Variants in GRID1 observed in about 807,000 individuals in gnomAD.
GRID1 encodes glutamate receptor ionotropic, delta-1.
GRID1 carries 28 observed loss-of-function variants against 98.0 expected under a neutral mutation model. The observed-to-expected ratio is 0.29, with a 90% CI of 0.21 to 0.39. GRID1 has a LOEUF of 0.39. GRID1 is among the 10% of genes least tolerant of loss of function. The pLI, the probability that GRID1 is intolerant of heterozygous loss-of-function variation, is 1.00. For missense variants in GRID1, 1,111 were observed against 1,340.5 expected (o/e 0.83, Z 2.67); for synonymous variants, 553 against 538.5 (o/e 1.03, Z -0.37).
chr10:86,190,151 C>T (rs1845780732), intron 3 of GRID1, among the ~76,000 whole-genome samples: 1 of 152,200 alleles, frequency 6.6e-6, no homozygotes, highest in Non-Finnish European at 1.5e-5. Context: ...GTCGCCCACC[C>T]CCAAGCAGGT....
chr10:86,045,086 A>T (rs1209459868), intron 4 of GRID1, among the ~76,000 whole-genome samples: 1 of 152,258 alleles, frequency 6.6e-6, no homozygotes, highest in Non-Finnish European at 1.5e-5. Flanking sequence ...TGCAAAGAGT[A>T]TGTAGCAAGT....
intron 4 of GRID1, among the ~76,000 whole-genome samples, chr10:86,073,901 G>A (rs985919974): frequency 3.3e-5 from 5 of 152,242 alleles, no homozygotes; most frequent in Non-Finnish European, 5.9e-5. Context: ...GCAGACAGGC[G>A]CTCTGGTTTT....
intron 12 of GRID1, among the ~76,000 whole-genome samples, chr10:85,682,196 C>A (rs1020895281): frequency 6.6e-6 from 1 of 152,212 alleles, no homozygotes; most frequent in Admixed American, 6.5e-5. Context: ...AAGACCAGAT[C>A]TTCCAAGAGC....
intron 12 of GRID1, among the ~76,000 whole-genome samples, chr10:85,677,570 G>T (rs1311275519): frequency 1.3e-5 from 2 of 152,170 alleles, no homozygotes; most frequent in Non-Finnish European, 2.9e-5. Context: ...TAAAAGCCAG[G>T]GGAAACAAAG....
chr10:86,071,264 A>AAGATAG (rs1843800300), intron 4 of GRID1, among the ~76,000 whole-genome samples: 1 of 152,200 alleles, frequency 6.6e-6, no homozygotes, highest in African/African-American at 2.4e-5. Context: ...CTGTCCTGGG[A>AAGATAG]AGATAGAGCA....
intron 8 of GRID1, among the ~76,000 whole-genome samples, chr10:85,809,481 A>G (rs1842651563): frequency 6.6e-6 from 1 of 152,216 alleles, no homozygotes; most frequent in East Asian, 1.9e-4. Context: ...AAATTTTAAA[A>G]GCAGCTAGAC....
intron 8 of GRID1, among the ~76,000 whole-genome samples, chr10:85,802,570 A>AT (rs980164503): frequency 6.6e-6 from 1 of 152,048 alleles, no homozygotes; most frequent in African/African-American, 2.4e-5. Context: ...TATGCACAAA[A>AT]TTTATCTCCA....
chr10:85,880,706 C>T (rs922524772), intron 5 of GRID1, among the ~76,000 whole-genome samples: 6 of 152,040 alleles, frequency 3.9e-5, no homozygotes, highest in African/African-American at 1.5e-4. Context: ...CCTTTGAAAA[C>T]TGGCACAAGA....
intron 4 of GRID1, among the ~76,000 whole-genome samples, chr10:86,116,451 A>C (rs1844580852): frequency 6.6e-6 from 1 of 152,168 alleles, no homozygotes; most frequent in Non-Finnish European, 1.5e-5. Flanking sequence ...CAGGGTGAGA[A>C]GCTGCCCTTC....
chr10:85,869,531 T>A (rs1375190557), intron 5 of GRID1, among the ~76,000 whole-genome samples: 2 of 152,230 alleles, frequency 1.3e-5, no homozygotes, highest in Non-Finnish European at 2.9e-5. Context: ...GGGAGTCACC[T>A]ACCTGATTCT....
chr10:85,842,171 G>A (rs1842966972), intron 8 of GRID1, among the ~76,000 whole-genome samples: 1 of 152,070 alleles, frequency 6.6e-6, no homozygotes. Context: ...CATGTCCCTT[G>A]CAAGGACATG....
intron 2 of GRID1, among the ~76,000 whole-genome samples, chr10:86,230,413 C>T (rs1023924249): frequency 1.3e-5 from 2 of 152,194 alleles, no homozygotes; most frequent in African/African-American, 2.4e-5. Flanking sequence ...TGGCTTCCCT[C>T]GGAGCTGGAA....
chr10:85,959,452 C>T (rs1397155277), intron 4 of GRID1, among the ~76,000 whole-genome samples: 1 of 152,196 alleles, frequency 6.6e-6, no homozygotes, highest in Non-Finnish European at 1.5e-5. Flanking sequence ...GGACATCCAC[C>T]TGTGCACCCA....
At chr10:86,046,861 C>CA (rs199526669) in intron 4 of GRID1, among the ~76,000 whole-genome samples, 12,152 of 107,520 alleles carry the variant, frequency 0.11, 764 homozygotes, top group African/African-American at 0.2. Flanking sequence ...AAGCCCATTT[C>CA]AAAAAAAAAA....
chr10:86,179,933 A>T (rs1209387770), intron 3 of GRID1, among the ~76,000 whole-genome samples: 1 of 152,202 alleles, frequency 6.6e-6, no homozygotes, highest in Non-Finnish European at 1.5e-5. Flanking sequence ...CCCATGCTGC[A>T]CATGGGCGGG....
At chr10:86,299,924 G>A (rs1053975600) in intron 2 of GRID1, among the ~76,000 whole-genome samples, 2 of 152,178 alleles carry the variant, frequency 1.3e-5, no homozygotes, top group Admixed American at 6.5e-5. Context: ...ACCTGGCCCA[G>A]TGGAATATGT....
intron 4 of GRID1, among the ~76,000 whole-genome samples, chr10:86,063,144 A>G (rs968848459): frequency 3.9e-5 from 6 of 152,238 alleles, no homozygotes; most frequent in Admixed American, 3.3e-4. Flanking sequence ...CCCTCTTGTC[A>G]GAGGCAGGAC....
chr10:85,720,633 C>CAAAAAAAAAAAAAAAA, intron 12 of GRID1, among the ~76,000 whole-genome samples: 1 of 79,090 alleles, frequency 1.3e-5, no homozygotes, highest in Non-Finnish European at 3.1e-5. Flanking sequence ...AACAAACAGA[C>CAAAAAAAAAAAAAAAA]AAAAAAAAAA....
chr10:85,675,967 C>T (rs1841140398), intron 12 of GRID1, among the ~76,000 whole-genome samples: 1 of 152,202 alleles, frequency 6.6e-6, no homozygotes, highest in South Asian at 2.1e-4. Flanking sequence ...GGTCAGAATC[C>T]CCAAGGCCTT....
Sources: allele counts gnomAD v4.1 joint callset (sites outside exome capture counted in the v4.1 genomes callset), GRCh38; gene constraint gnomAD v4.1.1; transcripts MANE v1.5; gene names NCBI Gene and HGNC (gene_info 2026-07-23, HGNC 2026-07-21).